SLC4A8: variants seen among roughly 807,000 people sequenced by gnomAD.
SLC4A8 encodes solute carrier family 4 member 8, also known as electroneutral sodium bicarbonate exchanger 1.
Under a neutral mutation model 125.0 loss-of-function variants are expected in SLC4A8, and 40 were observed. That is an observed-to-expected ratio of 0.32 (90% CI 0.25 to 0.42). The LOEUF (loss-of-function observed/expected upper bound fraction) is 0.42, where lower values mean the gene tolerates loss of function less well. SLC4A8 is among the 10% of genes least tolerant of loss of function. SLC4A8 has a pLI of 1.00. For synonymous variants in SLC4A8, 456 were observed against 476.0 expected (o/e 0.96, Z 0.55); for missense variants, 863 against 1,355.1 (o/e 0.64, Z 5.70).
intron 19 of SLC4A8, among the ~76,000 whole-genome samples, chr12:51,490,580 A>C (rs896918524): frequency 1.7e-4 from 21 of 125,506 alleles, no homozygotes; most frequent in Non-Finnish European, 3.6e-4. Context: ...AAAAAAAAAA[A>C]AAAAGATGAG....
At chr12:51,507,278 G>A in intron 24 of SLC4A8, 148 bp from the exon 25 acceptor site, 2 of 495,412 alleles carry the variant, frequency 4.0e-6, no homozygotes, top group Middle Eastern at 4.0e-4. Context: ...TAACGCACAT[G>A]GTTATTTTTA....
At chr12:51,429,288 T>A (rs1354877548) in intron 1 of SLC4A8, among the ~76,000 whole-genome samples, 2 of 152,210 alleles carry the variant, frequency 1.3e-5, no homozygotes, top group African/African-American at 2.4e-5. Flanking sequence ...CTGCAAAGGA[T>A]GTGCCCTTAA....
At chr12:51,413,879 G>C (rs1021206168) in intron 1 of SLC4A8, among the ~76,000 whole-genome samples, 1 of 152,074 alleles carries the variant, frequency 6.6e-6, no homozygotes, top group Admixed American at 6.6e-5. Context: ...TCTTCTTTTT[G>C]CTCAGGATTG....
chr12:51,489,354 C>T (rs77118473), intron 18 of SLC4A8, among the ~76,000 whole-genome samples: 4 of 152,122 alleles, frequency 2.6e-5, no homozygotes, highest in Admixed American at 1.3e-4. Context: ...GGACACTTAC[C>T]TCTAACTCCC....
intron 24 of SLC4A8, 24 bp downstream of exon 24, chr12:51,505,954 T>G (rs763810763): frequency 2.8e-6 from 3 of 1,064,934 alleles, no homozygotes; most frequent in Non-Finnish European, 4.3e-6. Context: ...TAACATCTGG[T>G]TTTTATTTAT....
At position 51,470,411 on chromosome 12, in the gene SLC4A8, T is replaced by C; in HGVS notation, c.1544T>C (p.Phe515Ser). Residue 515 changes from phenylalanine (F) to serine (S), a missense_variant, in exon 13 of 25, where the codon TTT becomes TCT. Around this residue, in one of 6 missense-constraint regions of SLC4A8, gnomAD observed 390 missense variants for 634.4 expected, o/e 0.61. Transcript: ENST00000453097. Reference sequence around the variant, plus strand: ...TCTCAGAGTGCAATTGAATCCTTGTTTGGAGCTTCCATGACTGGGATTGCT... The same window carrying C: ...TCTCAGAGTGCAATTGAATCCTTGTCTGGAGCTTCCATGACTGGGATTGCT... ...EGRISAIESL[F>S]GASMTGIAYS... 6.2e-7 allele frequency: 1 copy of C among 1,614,072 alleles called. No individual in the cohort carries two copies. Among genetic ancestry groups the C allele is most frequent in the Non-Finnish European group, 8.5e-7 (1 of 1,179,922 alleles).
chr12:51,433,669 C>A (rs753068170), intron 1 of SLC4A8, among the ~76,000 whole-genome samples: 4 of 152,140 alleles, frequency 2.6e-5, no homozygotes, highest in Non-Finnish European at 5.9e-5. Context: ...GGTGAGGAAT[C>A]TGCAGCAAGC....
At chr12:51,397,073 G>A (rs1449102953) in intron 1 of SLC4A8, among the ~76,000 whole-genome samples, 1 of 151,894 alleles carries the variant, frequency 6.6e-6, no homozygotes, top group South Asian at 2.1e-4. Flanking sequence ...GGGATTACAG[G>A]TGTGTGCCAC....
intron 24 of SLC4A8, 102 bp downstream of exon 24, chr12:51,506,032 AT>A (rs1938152235): frequency 1.6e-6 from 1 of 639,474 alleles, no homozygotes; most frequent in Non-Finnish European, 2.8e-6. Flanking sequence ...AATTTGTGTA[AT>A]AAATAGCACT....
upstream of SLC4A8, among the ~76,000 whole-genome samples, chr12:51,422,949 T>C (rs1043794258): frequency 6.6e-6 from 1 of 152,248 alleles, no homozygotes; most frequent in Non-Finnish European, 1.5e-5. Context: ...ACATATACCC[T>C]GTTTCCCTGA....
At chr12:51,406,063 C>A (rs573707824) in intron 1 of SLC4A8, among the ~76,000 whole-genome samples, 48 of 152,310 alleles carry the variant, frequency 3.2e-4, no homozygotes, top group African/African-American at 1.1e-3. Context: ...GTTATCAGGG[C>A]ATTTCCTTGA....
chr12:51,471,398 C>G lies in SLC4A8; in HGVS notation c.1770C>G (p.Thr590=). 2 of 1,614,178 alleles carry G rather than the reference C, an allele frequency of 1.2e-6. No individual in the cohort carries two copies. The highest frequency in any genetic ancestry group is 8.5e-7 in the Non-Finnish European group (1 of 1,180,032). ...TDASSLVCYI[T]RFTEEAFASL... ...CCAGTTCCCTTGTCTGCTACATTAC[C>G]CGTTTCACTGAAGAAGCATTTGCCT... Residue 590 remains threonine (T), a synonymous_variant, in exon 14 of 25, where the codon ACC becomes ACG. Transcript: ENST00000453097.
At chr12:51,392,583 A>AAG (rs910030340) in intron 1 of SLC4A8, among the ~76,000 whole-genome samples, 2 of 150,792 alleles carry the variant, frequency 1.3e-5, no homozygotes, top group African/African-American at 4.9e-5. Context: ...AAAAAAAAAA[A>AAG]AAAGAAAAAA....
intron 19 of SLC4A8, among the ~76,000 whole-genome samples, chr12:51,490,562 CAAAA>C (rs767679317): frequency 1.9e-4 from 7 of 37,568 alleles, no homozygotes; most frequent in African/African-American, 7.6e-4. Flanking sequence ...GACTCCATCT[CAAAA>C]AAAAAAAAAA....
chr12:51,443,495 C>T (rs1255559587), intron 2 of SLC4A8, among the ~76,000 whole-genome samples: 1 of 152,022 alleles, frequency 6.6e-6, no homozygotes, highest in Non-Finnish European at 1.5e-5. Context: ...GAGCAATAGT[C>T]CATGATGTGC....
intron 22 of SLC4A8, among the ~76,000 whole-genome samples, chr12:51,499,258 G>A (rs904751300): frequency 1.3e-5 from 2 of 152,122 alleles, no homozygotes; most frequent in African/African-American, 4.8e-5. Flanking sequence ...ATAAAATGGA[G>A]CATACAGTAA....
In SLC4A8 at chr12:51,424,881, C is replaced by T. The variant is rs1948906310; in HGVS notation, c.-107C>T. 2 of 1,244,256 alleles carry T rather than the reference C, an allele frequency of 1.6e-6. No individual in the cohort carries two copies. The highest frequency in any genetic ancestry group is 1.1e-6 in the Non-Finnish European group (1 of 887,660). The allele number at this position is 1,244,256 out of a possible 1,614,324, so 77.1% of individuals were successfully genotyped here. A position where few individuals can be genotyped will look rare whatever the true frequency, so the allele number is the denominator to read the frequency against. Reference sequence around the variant, plus strand: ...GGCGGTTGATGGTTGACCGTTGGCTCCGGGGTGGGGGTCGCCGTTCGAGTG... The same window carrying T: ...GGCGGTTGATGGTTGACCGTTGGCTTCGGGGTGGGGGTCGCCGTTCGAGTG... On this transcript the variant is annotated 5_prime_UTR_variant, in exon 1 of 25. Transcript: ENST00000453097.
upstream of SLC4A8, among the ~76,000 whole-genome samples, chr12:51,419,889 C>T (rs754080819): frequency 6.6e-6 from 1 of 152,014 alleles, no homozygotes; most frequent in East Asian, 1.9e-4. Context: ...GCGATTTTCA[C>T]AGCCAGGAGC....
chr12:51,505,077 A>G (rs993978970), intron 23 of SLC4A8, among the ~76,000 whole-genome samples: 1 of 152,186 alleles, frequency 6.6e-6, no homozygotes, highest in African/African-American at 2.4e-5. Flanking sequence ...TTTTCGTAAT[A>G]ATAGTCTTGG....
Sources: allele counts gnomAD v4.1 joint callset (sites outside exome capture counted in the v4.1 genomes callset), GRCh38; gene constraint gnomAD v4.1.1; regional missense constraint gnomAD v4.1.1; transcripts MANE v1.5; gene names NCBI Gene and HGNC (gene_info 2026-07-23, HGNC 2026-07-21).